ATP9B: variants seen among roughly 807,000 people sequenced by gnomAD.
The protein encoded by ATP9B is probable phospholipid-transporting ATPase IIB.
A neutral mutation model predicts 146.1 loss-of-function variants in ATP9B; 110 were observed. That is an observed-to-expected ratio of 0.75 (90% CI 0.65 to 0.88). ATP9B has a LOEUF of 0.88. Among genes scored for constraint, ATP9B ranks in the 40% least tolerant of loss-of-function variants. The probability of loss-of-function intolerance (pLI) is 0.00; values close to 1 mark genes in which losing one functional copy is unlikely to be tolerated. For missense variants in ATP9B, 1,499 were observed against 1,496.4 expected (o/e 1.00, Z -0.03); for synonymous variants, 604 against 569.7 (o/e 1.06, Z -0.86).
rs775046912 is a variant in ATP9B, at chr18:79,303,673, C to T, written c.1481C>T (p.Thr494Met). 9.9e-6 allele frequency: 16 copies of T among 1,613,944 alleles called. No homozygotes were observed. In the South Asian group the frequency reaches 1.3e-4, roughly 13 times the overall value. Reference protein sequence around the residue: ...HLGTVSYGADTMDEIQSHVRD... With the variant: ...HLGTVSYGADMMDEIQSHVRD... ...GGCACCGTGTCCTATGGCGCCGACA[C>T]GATGGATGAGATCCAGAGCCATGTC... Residue 494 changes from threonine (T) to methionine (M), a missense_variant, in exon 14 of 30, where the codon ACG becomes ATG. Coordinates refer to ENST00000426216, the MANE Select transcript of ATP9B (RefSeq NM_198531.5).
At chr18:79,319,921 A>G (rs2096705869) in intron 15 of ATP9B, among the ~76,000 whole-genome samples, 1 of 152,166 alleles carries the variant, frequency 6.6e-6, no homozygotes, top group African/African-American at 2.4e-5. Flanking sequence ...TGCATTTTAT[A>G]TGCAAATAAA....
intron 15 of ATP9B, among the ~76,000 whole-genome samples, chr18:79,327,614 C>T (rs1415243753): frequency 3.0e-5 from 4 of 134,056 alleles, no homozygotes; most frequent in Admixed American, 2.3e-4. Flanking sequence ...GGTTAGCGTG[C>T]CCTCCCTGGT....
intron 11 of ATP9B, among the ~76,000 whole-genome samples, chr18:79,236,306 A>G (rs373499812): frequency 2.6e-5 from 4 of 152,120 alleles, no homozygotes; most frequent in Admixed American, 6.5e-5. Context: ...GGAATTTCCT[A>G]TGAAAGTCGT....
intron 21 of ATP9B, 104 bp from the exon 22 acceptor site, chr18:79,345,324 G>T: frequency 1.6e-6 from 2 of 1,283,672 alleles, no homozygotes; most frequent in Admixed American, 2.0e-5. Context: ...GAGAACTGTG[G>T]CGTCTGTTGG....
intron 1 of ATP9B, chr18:79,095,634 G>A (rs958477149): frequency 6.6e-6 from 1 of 152,158 alleles, no homozygotes; most frequent in Non-Finnish European, 1.5e-5. Flanking sequence ...TTATCCCAGA[G>A]GAACCCACGA....
At chr18:79,233,034 A>C (rs922045758) in intron 11 of ATP9B, among the ~76,000 whole-genome samples, 5 of 152,134 alleles carry the variant, frequency 3.3e-5, no homozygotes, top group Non-Finnish European at 5.9e-5. Context: ...GCTCACGCCT[A>C]TAATCTCAGC....
intron 12 of ATP9B, among the ~76,000 whole-genome samples, chr18:79,265,436 G>A (rs1311022001): frequency 8.5e-5 from 13 of 152,230 alleles, no homozygotes; most frequent in African/African-American, 2.6e-4. Flanking sequence ...GAGCCACCAC[G>A]CCTGGCCCGA....
At chr18:79,157,129 G>A (rs756984431) in intron 7 of ATP9B, among the ~76,000 whole-genome samples, 1 of 151,952 alleles carries the variant, frequency 6.6e-6, no homozygotes, top group Non-Finnish European at 1.5e-5. Context: ...GGGAGGCTGA[G>A]GTGGGTGGAT....
chr18:79,125,198 CAGGGAGAGATGGTTGT>C (rs1194887289), intron 4 of ATP9B, among the ~76,000 whole-genome samples: 3 of 151,966 alleles, frequency 2.0e-5, no homozygotes, highest in Admixed American at 2.0e-4. Flanking sequence ...TTGATGTGCT[CAGGGAGAGATGGTTGT>C]AGGGCCGAGG....
At chr18:79,148,034 A>G (rs1251937834) in intron 6 of ATP9B, among the ~76,000 whole-genome samples, 1 of 152,230 alleles carries the variant, frequency 6.6e-6, no homozygotes. Context: ...CAGTTATGAA[A>G]TACTACAAAC....
In ATP9B at chr18:79,096,575, A is replaced by T. The variant is rs747928553; in HGVS notation, c.219A>T (p.Pro73=). ...ENEESDYHTL[P]RARIMQRKRG... ...AGGAAAGTGATTACCACACCTTACC[A>T]CGAGCCAGGATAATGCAAAGGAAAA... The change falls in exon 2 of 30, where the codon CCA becomes CCT. Residue 73 remains proline, a synonymous_variant. Transcript: ENST00000426216. The T allele has an allele frequency of 6.2e-7, 1 of 1,614,110 alleles. No homozygotes were observed. Among genetic ancestry groups the T allele is most frequent in the South Asian group, 1.1e-5 (1 of 91,076 alleles).
intron 11 of ATP9B, among the ~76,000 whole-genome samples, chr18:79,227,800 T>A (rs2095751797): frequency 6.6e-6 from 1 of 152,214 alleles, no homozygotes; most frequent in Non-Finnish European, 1.5e-5. Context: ...TCAGTGCACG[T>A]GGGCTCCAGC....
chr18:79,215,423 A>G (rs1054692792), intron 11 of ATP9B, among the ~76,000 whole-genome samples: 1 of 152,144 alleles, frequency 6.6e-6, no homozygotes, highest in African/African-American at 2.4e-5. Context: ...TGTGTGTTAC[A>G]TGTTTGCTAA....
chr18:79,319,471 G>A (rs1357543500), intron 15 of ATP9B, among the ~76,000 whole-genome samples: 2 of 151,402 alleles, frequency 1.3e-5, no homozygotes, highest in Admixed American at 6.6e-5. Context: ...AGGGGCCCCC[G>A]CCTCTCCTGG....
At chr18:79,356,958 A>G (rs617640) in intron 25 of ATP9B, among the ~76,000 whole-genome samples, 11 of 5,602 alleles carry the variant, frequency 2.0e-3, no homozygotes, top group Admixed American at 2.4e-3. Context: ...TGTGTGAGGG[A>G]TGCTCTGGGT....
intron 5 of ATP9B, among the ~76,000 whole-genome samples, chr18:79,136,283 C>A (rs2094446633): frequency 6.6e-6 from 1 of 152,144 alleles, no homozygotes; most frequent in African/African-American, 2.4e-5. Flanking sequence ...AATATTTAAT[C>A]TTTTGACCCA....
intron 11 of ATP9B, among the ~76,000 whole-genome samples, chr18:79,243,306 T>C (rs1317145674): frequency 6.6e-6 from 1 of 152,150 alleles, no homozygotes; most frequent in African/African-American, 2.4e-5. Flanking sequence ...TATAAATAGG[T>C]GAATATGCAT....
chr18:79,071,517 G>T (rs2071821520), intron 1 of ATP9B, among the ~76,000 whole-genome samples: 1 of 149,052 alleles, frequency 6.7e-6, no homozygotes, highest in Non-Finnish European at 1.5e-5. Flanking sequence ...ATGTAGCTGG[G>T]ACTATAGGCA....
At chr18:79,153,957 CTT>C (rs11285884) in intron 6 of ATP9B, among the ~76,000 whole-genome samples, 134 of 103,142 alleles carry the variant, frequency 1.3e-3, no homozygotes, top group Middle Eastern at 5.0e-3. Flanking sequence ...TGACATGCAG[CTT>C]TTTTTTTTTT....
Sources: allele counts gnomAD v4.1 joint callset (sites outside exome capture counted in the v4.1 genomes callset), GRCh38; gene constraint gnomAD v4.1.1; transcripts MANE v1.5; gene names NCBI Gene and HGNC (gene_info 2026-07-23, HGNC 2026-07-21).